FKBP1A: variants seen among roughly 807,000 people sequenced by gnomAD.
The protein encoded by FKBP1A is peptidyl-prolyl cis-trans isomerase FKBP1A.
In FKBP1A, 5 loss-of-function variants were observed where a neutral mutation model predicts 14.2. The observed-to-expected ratio is 0.35, with a 90% CI of 0.18 to 0.74. FKBP1A has a LOEUF of 0.74. Ranked by LOEUF, FKBP1A falls within the 30% of genes least tolerant of loss-of-function variation. The probability of loss-of-function intolerance (pLI) is 0.56; values close to 1 mark genes in which losing one functional copy is unlikely to be tolerated. For missense variants in FKBP1A, 53 were observed against 138.8 expected, an observed-to-expected ratio of 0.38 and a Z score of 3.10; for synonymous variants, 42 against 49.1, an observed-to-expected ratio of 0.86 and a Z score of 0.60.
chr20:1,391,198 AG>A (rs923002198), intron 2 of FKBP1A, among the ~76,000 whole-genome samples: 1 of 152,040 alleles, frequency 6.6e-6, no homozygotes, highest in African/African-American at 2.4e-5. Context: ...TAGGGTGGGG[AG>A]GGGGTGCGGC....
intron 4 of FKBP1A, chr20:1,371,106 A>C (rs565514899): frequency 1.0e-6 from 1 of 985,312 alleles, no homozygotes; most frequent in Admixed American, 6.1e-5. Flanking sequence ...GCTTTCAAAC[A>C]AAAGTGTCCT....
chr20:1,390,163 A>C (rs1255091487), intron 2 of FKBP1A, among the ~76,000 whole-genome samples: 1 of 152,078 alleles, frequency 6.6e-6, no homozygotes, highest in Non-Finnish European at 1.5e-5. Flanking sequence ...GATTTTGGCC[A>C]CCTTACTTCC....
At position 1,383,684 on chromosome 20, in the gene FKBP1A, T is replaced by TAAAAAA. The variant is rs34991787; in HGVS notation, c.86-8087_86-8082dup. Among the ~76,000 whole-genome samples, 48 of 125,280 alleles carry TAAAAAA rather than the reference T, an allele frequency of 3.8e-4. 1 individual carries two copies. Among genetic ancestry groups the TAAAAAA allele is most frequent in the African/African-American group, 1.4e-3 (45 of 31,722 alleles). The allele number at this position is 125,280 out of a possible 152,430, so 82.2% of individuals were successfully genotyped here. On this transcript the variant is annotated intron_variant, in intron 2 of 4. Coordinates refer to ENST00000400137, the MANE Select transcript of FKBP1A (RefSeq NM_000801.5). The stretch of plus-strand genomic sequence containing the variant: ...CCCCAATCCTGTTTCTGCAAAAAAT[T>TAAAAAA]AAAAAAAAAAAAAAAAAAATTTAGC...
rs752454371 is a variant in FKBP1A at position 1,369,904 on chromosome 20, A to G, written c.*205T>C. The G allele has an allele frequency of 1.2e-5, 12 of 1,000,960 alleles. No individual in the cohort carries two copies. The highest frequency in any genetic ancestry group is 2.7e-5 in the Admixed American group (1 of 36,546). 62.0% of individuals were successfully genotyped at this position (1,000,960 alleles called of 1,614,324 possible). ...TGGCATATAGTTTAGGTAAACACACATACGAGGAGAAAGGGGAAGAGGAAA... is the reference window on the plus strand; with the variant it reads ...TGGCATATAGTTTAGGTAAACACACGTACGAGGAGAAAGGGGAAGAGGAAA... On this transcript the variant is annotated 3_prime_UTR_variant, in exon 5 of 5. Transcript: ENST00000400137.
Position 1,384,762 on chromosome 20 carries a change from G to A in FKBP1A, c.85+8072C>T, listed in dbSNP as rs528544496. On this transcript the variant is annotated intron_variant, in intron 2 of 4. Transcript: ENST00000400137. ...GGTTCTGAGAACTCCTTATGAGTGAGGGGTATGACCAAAGGTCCAAGTGCC... is the reference window on the plus strand; with the variant it reads ...GGTTCTGAGAACTCCTTATGAGTGAAGGGTATGACCAAAGGTCCAAGTGCC... 6.6e-5 allele frequency among the ~76,000 whole-genome samples: 10 copies of A among 152,124 alleles called. No individual in the cohort carries two copies. In the South Asian group the frequency reaches 2.1e-3, roughly 32 times the overall value.
At chr20:1,390,369 G>A (rs1371474311) in intron 2 of FKBP1A, among the ~76,000 whole-genome samples, 1 of 139,988 alleles carries the variant, frequency 7.1e-6, no homozygotes, top group African/African-American at 2.6e-5. Context: ...GGGGGGAGGG[G>A]GGACGGGGGA....
chr20:1,386,171 C>T lies in FKBP1A; in HGVS notation c.85+6663G>A, dbSNP rs927766595. 2.0e-5 allele frequency among the ~76,000 whole-genome samples: 3 copies of T among 152,192 alleles called. No individual in the cohort carries two copies. The highest frequency in any genetic ancestry group is 4.4e-5 in the Non-Finnish European group (3 of 68,036). On this transcript the variant is annotated intron_variant, in intron 2 of 4. Coordinates refer to ENST00000400137, the MANE Select transcript of FKBP1A (RefSeq NM_000801.5). This position sits in a 1 kb window ranked among gnomAD's most constrained non-coding sequence, Gnocchi z 4.7. ...CTGGCCTGTGTATATACCTGGAAGA[C>T]GCTTTCCTCCTGCCTGACTGCACCA... is the stretch of plus-strand genomic sequence containing the variant.
chr20:1,386,550 A>G lies in FKBP1A; in HGVS notation c.85+6284T>C, dbSNP rs1444862558. Among the ~76,000 whole-genome samples, 1 of 152,218 alleles carries G rather than the reference A, an allele frequency of 6.6e-6. No homozygotes were observed. ...ACTATGATGGGGGCTAAGAAAATAG[A>G]TGGGTGCATTGTTGCAGAATTAGAA... On this transcript the variant is annotated intron_variant, in intron 2 of 4. Coordinates refer to ENST00000400137, the MANE Select transcript of FKBP1A (RefSeq NM_000801.5). The surrounding 1 kb of genome is among the most constrained non-coding windows in gnomAD (Gnocchi z 4.7).
intron 2 of FKBP1A, among the ~76,000 whole-genome samples, chr20:1,380,134 C>T (rs756424380): frequency 6.6e-6 from 1 of 152,074 alleles, no homozygotes; most frequent in Non-Finnish European, 1.5e-5. Flanking sequence ...GACAAAATAG[C>T]TACAACGATG....
Position 1,375,488 on chromosome 20 carries a change from T to C in FKBP1A, c.198+3A>G. The stretch of plus-strand genomic sequence containing the variant: ...GCAAAACAAAACAAATGAGAGAGCA[T>C]ACCTGGGCAACCCCTTCTTCCCAGC... On this transcript the variant is annotated splice_donor_region_variant and intron_variant, in intron 3 of 4. Coordinates refer to ENST00000400137, the MANE Select transcript of FKBP1A (RefSeq NM_000801.5). 6.2e-7 allele frequency: 1 copy of C among 1,606,576 alleles called. No individual in the cohort carries two copies. Among genetic ancestry groups the C allele is most frequent in the Non-Finnish European group, 8.5e-7 (1 of 1,173,242 alleles).
intron 4 of FKBP1A, 95 bp from the exon 5 acceptor site, chr20:1,370,167 T>G: frequency 6.7e-7 from 1 of 1,503,306 alleles, no homozygotes; most frequent in Non-Finnish European, 8.9e-7. Context: ...GCCAAATCCC[T>G]TCCCCAACAG....
intron 2 of FKBP1A, among the ~76,000 whole-genome samples, chr20:1,388,998 C>G (rs2089700938): frequency 6.6e-6 from 1 of 152,166 alleles, no homozygotes; most frequent in Non-Finnish European, 1.5e-5. Context: ...CTCTAGACAG[C>G]CCTGTAGCTC....
At chr20:1,387,090 T>G (rs1418201814) in intron 2 of FKBP1A, among the ~76,000 whole-genome samples, 1 of 152,148 alleles carries the variant, frequency 6.6e-6, no homozygotes, top group African/African-American at 2.4e-5. Context: ...TGATTTCCAG[T>G]TTATGGATAC....
intron 2 of FKBP1A, chr20:1,378,379 A>T (rs1330631709): frequency 6.5e-6 from 1 of 152,766 alleles, no homozygotes; most frequent in African/African-American, 2.4e-5. Flanking sequence ...TCAGGGGTAG[A>T]GGGAGGGAAG....
intron 3 of FKBP1A, 43 bp downstream of exon 3, chr20:1,375,448 G>C (rs1249028716): frequency 7.1e-7 from 1 of 1,403,082 alleles, no homozygotes; most frequent in Admixed American, 1.7e-5. Context: ...AAATATAAAA[G>C]GTAAATACTA....
rs986776592 is a variant in FKBP1A, at chr20:1,393,030, G to A, written c.-32C>T. On this transcript the variant is annotated 5_prime_UTR_variant, in exon 1 of 5. Transcript: ENST00000400137. ...GGCGGACGCTGAGCGGGCGGGCGGC[G>A]CGACGGGCGGCGTGGACCAACAGCG... 5 of 1,397,202 alleles carry A rather than the reference G, an allele frequency of 3.6e-6. No homozygotes were observed. Among genetic ancestry groups the A allele is most frequent in the Non-Finnish European group, 4.7e-6 (5 of 1,058,388 alleles). 86.6% of individuals were successfully genotyped at this position (1,397,202 alleles called of 1,614,324 possible). A position where few individuals can be genotyped will look rare whatever the true frequency, so the allele number is the denominator to read the frequency against.
At chr20:1,390,492 A>C (rs962172936) in intron 2 of FKBP1A, among the ~76,000 whole-genome samples, 12 of 152,078 alleles carry the variant, frequency 7.9e-5, no homozygotes, top group African/African-American at 2.7e-4. Context: ...ACAAAACAAC[A>C]ACCAAAAAAC....
intron 4 of FKBP1A, chr20:1,371,167 A>C: frequency 1.0e-6 from 1 of 985,390 alleles, no homozygotes; most frequent in African/African-American, 1.7e-5. Context: ...GAGGGGAGCA[A>C]ATAAAAAGGT....
Position 1,372,206 on chromosome 20 carries a change from G to C in FKBP1A, c.233C>G (p.Ser78Cys), listed in dbSNP as rs759911346. Residue 78 changes from serine (S) to cysteine (C), a missense_variant, in exon 4 of 5, where the codon TCT becomes TGT. Ser to Cys is a moderately radical substitution (Grantham distance 112). Transcript: ENST00000400137. The stretch of plus-strand genomic sequence containing the variant: ...AGTGGCACCATAGGCATAATCTGGA[G>C]ATATAGTCAGTTTGGCTCTCTGACC... The part of the protein sequence containing the change: ...SVGQRAKLTI[S>C]PDYAYGATGH... 6.2e-7 allele frequency: 1 copy of C among 1,613,892 alleles called. No individual in the cohort carries two copies. Among genetic ancestry groups the C allele is most frequent in the Non-Finnish European group, 8.5e-7 (1 of 1,179,812 alleles).
Sources: allele counts gnomAD v4.1 joint callset (sites outside exome capture counted in the v4.1 genomes callset), GRCh38; gene constraint gnomAD v4.1.1; non-coding constraint Gnocchi (gnomAD v3.1); transcripts MANE v1.5; gene names NCBI Gene and HGNC (gene_info 2026-07-23, HGNC 2026-07-21).